The following TRAF5 variants were observed in gnomAD, a reference collection of about 807,000 sequenced individuals.
TRAF5 encodes TNF receptor-associated factor 5.
TRAF5 carries 48 observed loss-of-function variants against 64.5 expected under a neutral mutation model. The observed-to-expected ratio is 0.74, with a 90% confidence interval of 0.59 to 0.95. The LOEUF (loss-of-function observed/expected upper bound fraction) is 0.95. TRAF5 is among the 40% of genes least tolerant of loss of function. TRAF5 has a pLI of 0.00. For synonymous variants in TRAF5, 206 were observed against 240.5 expected, an observed-to-expected ratio of 0.86 and a Z score of 1.33; for missense variants, 545 against 662.8, an observed-to-expected ratio of 0.82 and a Z score of 1.95.
rs1703137247 is a variant in TRAF5 at position 211,360,429 on chromosome 1, T to A, written c.544-273T>A. On this transcript the variant is annotated intron_variant, in intron 5 of 10. Transcript: ENST00000261464. ...AAAGAAAGCATGGGTACCTTTTACA[T>A]GTCCCGAAGGAGCTATGCTGGCAGT... 3 of 504,178 alleles carry A rather than the reference T, an allele frequency of 6.0e-6. No individual in the cohort carries two copies. In the South Asian group the frequency reaches 8.4e-5, roughly 14 times the overall value. 31.2% of individuals were successfully genotyped at this position (504,178 alleles called of 1,614,324 possible).
rs1703125399 is a variant in TRAF5 at position 211,360,048 on chromosome 1, A to G, written c.515A>G (p.Lys172Arg). The part of the protein sequence containing the change: ...QFRKEKCLYC[K>R]KDVVVINLQN... ...CGAAAGGAAAAATGCCTTTATTGCA[A>G]AAAGGATGTGGTAGTCATCAATCTA... is the stretch of plus-strand genomic sequence containing the variant. The change falls in exon 5 of 11, where the codon AAA becomes AGA. Residue 172 changes from lysine (K) to arginine (R), a missense_variant. Lys to Arg is a conservative substitution (Grantham distance 26). Transcript: ENST00000261464. 6.2e-7 allele frequency: 1 copy of G among 1,614,172 alleles called. No homozygotes were observed. Among genetic ancestry groups the G allele is most frequent in the Non-Finnish European group, 8.5e-7 (1 of 1,179,998 alleles).
intron 10 of TRAF5, 92 bp from the exon 11 acceptor site, chr1:211,372,034 TTC>T: frequency 9.1e-7 from 1 of 1,094,790 alleles, no homozygotes; most frequent in Non-Finnish European, 1.3e-6. Flanking sequence ...ATTTTGTTGA[TTC>T]TCTTTCAGGT....
chr1:211,365,403 G>A lies in TRAF5; in HGVS notation c.724G>A (p.Glu242Lys). ...TDKRRNLQQH[E>K]HSALREHMRL... is the part of the protein sequence containing the mutation. ...TAAACGGAGGAACCTGCAGCAACAT[G>A]AGCATTCAGCCTTACGGGAGCACAT... Residue 242 changes from glutamate (E) to lysine (K), a missense_variant, in exon 8 of 11, where the codon GAG becomes AAG. Transcript: ENST00000261464. The A allele has an allele frequency of 6.2e-7, 1 of 1,613,818 alleles. No individual in the cohort carries two copies. The highest frequency in any genetic ancestry group is 8.5e-7 in the Non-Finnish European group (1 of 1,179,876).
intron 1 of TRAF5, among the ~76,000 whole-genome samples, chr1:211,330,882 C>T (rs1702139362): frequency 6.6e-6 from 1 of 152,204 alleles, no homozygotes; most frequent in African/African-American, 2.4e-5. Flanking sequence ...TGCTTCTCTC[C>T]TTGAGCCCTT....
rs577449240 is a variant in TRAF5 at position 211,369,601 on chromosome 1, T to C, written c.930+9T>C. The C allele has an allele frequency of 4.4e-6, 7 of 1,573,964 alleles. No individual in the cohort carries two copies. Among genetic ancestry groups the C allele is most frequent in the East Asian group, 2.3e-5 (1 of 44,120 alleles). On this transcript the variant is annotated intron_variant, in intron 9 of 10. Transcript: ENST00000261464. ...TCCTCCCAAACATCCAGGTAAGAAA[T>C]GGCCTTTGCGTTGAAAGCCAAGATT...
At chr1:211,365,702 T>G (rs1703330894) in intron 8 of TRAF5, among the ~76,000 whole-genome samples, 1 of 152,198 alleles carries the variant, frequency 6.6e-6, no homozygotes. Flanking sequence ...AACTGAACTC[T>G]GAGAAATTTT....
At chr1:211,356,054 C>T (rs1702952295) in intron 3 of TRAF5, among the ~76,000 whole-genome samples, 1 of 152,250 alleles carries the variant, frequency 6.6e-6, no homozygotes, top group Non-Finnish European at 1.5e-5. Context: ...AAGCTGAAAG[C>T]ATCACCCTTG....
At chr1:211,344,340 A>G (rs1558135171) in intron 1 of TRAF5, among the ~76,000 whole-genome samples, 1 of 152,174 alleles carries the variant, frequency 6.6e-6, no homozygotes, top group African/African-American at 2.4e-5. Flanking sequence ...TACTCACATC[A>G]TTGTTTGTCC....
chr1:211,328,595 C>A (rs947378033), intron 1 of TRAF5, among the ~76,000 whole-genome samples: 1 of 151,872 alleles, frequency 6.6e-6, no homozygotes, highest in Non-Finnish European at 1.5e-5. Context: ...AACGTCCTGA[C>A]GATAGGGACT....
intron 1 of TRAF5, among the ~76,000 whole-genome samples, chr1:211,333,442 C>T (rs116707297): frequency 1.3e-5 from 2 of 152,002 alleles, no homozygotes; most frequent in African/African-American, 4.8e-5. Context: ...ACTCCCCCCC[C>T]ACTCCCCACT....
intron 7 of TRAF5, among the ~76,000 whole-genome samples, chr1:211,364,309 C>A (rs1703278563): frequency 6.6e-6 from 1 of 152,206 alleles, no homozygotes; most frequent in Non-Finnish European, 1.5e-5. Context: ...AGGTGGCATT[C>A]CTCCTGCCCA....
At chr1:211,342,288 T>A (rs1702467819) in intron 1 of TRAF5, among the ~76,000 whole-genome samples, 2 of 152,266 alleles carry the variant, frequency 1.3e-5, no homozygotes, top group Admixed American at 1.3e-4. Context: ...CTACTGTTAT[T>A]ATCACCATTT....
At chr1:211,331,321 T>C (rs1702150616) in intron 1 of TRAF5, among the ~76,000 whole-genome samples, 2 of 152,240 alleles carry the variant, frequency 1.3e-5, no homozygotes, top group African/African-American at 2.4e-5. Context: ...CAGTGTGGAC[T>C]TCAGAATCTG....
chr1:211,360,024 G>T lies in TRAF5; in HGVS notation c.491G>T (p.Arg164Leu), dbSNP rs765593941. The T allele has an allele frequency of 3.1e-6, 5 of 1,613,966 alleles. No individual in the cohort carries two copies. Among genetic ancestry groups the T allele is most frequent in the African/African-American group, 1.3e-5 (1 of 74,920 alleles). The change falls in exon 5 of 11, where the codon CGA becomes CTA. Residue 164 changes from arginine to leucine, a missense_variant. By Grantham distance (102) the Arg-to-Leu change is moderately radical. Coordinates refer to ENST00000261464, the MANE Select transcript of TRAF5 (RefSeq NM_001033910.3). ...KEHLSASCQF[R>L]KEKCLYCKKD... ...CATTTGAGTGCATCCTGTCAGTTTCGAAAGGAAAAATGCCTTTATTGCAAA... is the reference window on the plus strand; with the variant it reads ...CATTTGAGTGCATCCTGTCAGTTTCTAAAGGAAAAATGCCTTTATTGCAAA...
At chr1:211,340,237 C>T (rs906307075) in intron 1 of TRAF5, among the ~76,000 whole-genome samples, 3 of 152,118 alleles carry the variant, frequency 2.0e-5, no homozygotes, top group African/African-American at 4.8e-5. Flanking sequence ...GCTCGAGGGG[C>T]CCCTGGAGCC....
At chr1:211,368,633 T>C (rs528424485) in intron 8 of TRAF5, among the ~76,000 whole-genome samples, 134 of 152,332 alleles carry the variant, frequency 8.8e-4, no homozygotes, top group African/African-American at 3.1e-3. Context: ...TCTGTTGTCA[T>C]GTTAAAAGTT....
chr1:211,364,734 A>G (rs1388823303), intron 7 of TRAF5, among the ~76,000 whole-genome samples: 1 of 151,934 alleles, frequency 6.6e-6, no homozygotes, highest in Non-Finnish European at 1.5e-5. Context: ...ATAACCCTCA[A>G]AGGAGATAGG....
chr1:211,342,231 T>C (rs1193156273), intron 1 of TRAF5, among the ~76,000 whole-genome samples: 1 of 152,358 alleles, frequency 6.6e-6, no homozygotes, highest in East Asian at 1.9e-4. Flanking sequence ...CAACCCCTGA[T>C]GTATATAGTA....
chr1:211,372,030 T>C (rs1239311915), intron 10 of TRAF5, 98 bp from the exon 11 acceptor site: 29 of 1,046,610 alleles, frequency 2.8e-5, no homozygotes, highest in Non-Finnish European at 3.4e-5. Context: ...CAGGATTTTG[T>C]TGATTCTCTT....
Sources: allele counts gnomAD v4.1 joint callset (sites outside exome capture counted in the v4.1 genomes callset), GRCh38; gene constraint gnomAD v4.1.1; transcripts MANE v1.5; gene names NCBI Gene and HGNC (gene_info 2026-07-23, HGNC 2026-07-21).